PTPRN2: variants seen among roughly 807,000 people sequenced by gnomAD.
PTPRN2 encodes the protein protein tyrosine phosphatase receptor type N2, also known as receptor-type tyrosine-protein phosphatase N2.
PTPRN2 carries 74 observed loss-of-function variants against 118.8 expected under a neutral mutation model. That is an observed-to-expected ratio of 0.62 (90% confidence interval 0.52 to 0.76). The LOEUF (loss-of-function observed/expected upper bound fraction) is 0.76. Ranked by LOEUF, PTPRN2 falls within the 30% of genes least tolerant of loss-of-function variation. The pLI, the probability that PTPRN2 is intolerant of heterozygous loss-of-function variation, is 0.00. For synonymous variants in PTPRN2, 641 were observed against 608.0 expected, an observed-to-expected ratio of 1.05 and a Z score of -0.80; for missense variants, 1,481 against 1,394.4, an observed-to-expected ratio of 1.06 and a Z score of -0.99.
Position 157,690,035 on chromosome 7 carries a change from C to G in PTPRN2, c.1789-7098G>C, listed in dbSNP as rs1286818310. 6.6e-6 allele frequency among the ~76,000 whole-genome samples: 1 copy of G among 152,218 alleles called. No individual in the cohort carries two copies. The highest frequency in any genetic ancestry group is 2.4e-5 in the African/African-American group (1 of 41,462). ...CCTCCCATCTCCGTGCCTGCACCCC[C>G]CCACCCCCAGCACCCTGCAATGGTC... is the stretch of plus-strand genomic sequence containing the variant. On this transcript the variant is annotated intron_variant, in intron 12 of 22. Transcript: ENST00000389418. This position sits in a 1 kb window ranked among gnomAD's most constrained non-coding sequence, Gnocchi z 7.1.
chr7:157,695,741 C>G (rs1247642559), intron 12 of PTPRN2, among the ~76,000 whole-genome samples: 2 of 152,218 alleles, frequency 1.3e-5, no homozygotes, highest in Non-Finnish European at 2.9e-5. Flanking sequence ...GGAAGAGCAT[C>G]AGACACTAGT....
chr7:157,899,444 CA>C (rs1164633561), intron 11 of PTPRN2, among the ~76,000 whole-genome samples: 1 of 152,206 alleles, frequency 6.6e-6, no homozygotes, highest in Non-Finnish European at 1.5e-5. Flanking sequence ...ACGGGTGTCA[CA>C]AGGCAATTGA....
intron 2 of PTPRN2, among the ~76,000 whole-genome samples, chr7:158,381,768 T>G (rs185903853): frequency 2.0e-5 from 3 of 152,334 alleles, no homozygotes; most frequent in East Asian, 1.9e-4. Context: ...GAAAGTGATT[T>G]AATTGACTCA....
intron 11 of PTPRN2, among the ~76,000 whole-genome samples, chr7:157,899,452 T>C (rs1487865788): frequency 1.3e-5 from 2 of 152,194 alleles, no homozygotes; most frequent in African/African-American, 4.8e-5. Flanking sequence ...CACAAGGCAA[T>C]TGACCTTGGC....
At chr7:158,050,902 C>T (rs908772360) in intron 11 of PTPRN2, among the ~76,000 whole-genome samples, 5 of 152,242 alleles carry the variant, frequency 3.3e-5, no homozygotes, top group African/African-American at 1.2e-4. Context: ...GATGCTTGCC[C>T]CTCCCGCTGG....
At chr7:158,077,504 G>GC (rs112968821) in intron 11 of PTPRN2, among the ~76,000 whole-genome samples, 10,968 of 146,618 alleles carry the variant, frequency 0.075, 1,338 homozygotes, top group African/African-American at 0.27. Context: ...CAGGACAGGA[G>GC]CCCCCCATGA....
chr7:157,761,794 G>A (rs374543088), intron 12 of PTPRN2, among the ~76,000 whole-genome samples: 4,591 of 136,482 alleles, frequency 0.034, 132 homozygotes, highest in African/African-American at 0.053. Flanking sequence ...AAAAGAAACC[G>A]CCATCAGAGT....
At chr7:158,380,133 T>C (rs1022083851) in intron 2 of PTPRN2, among the ~76,000 whole-genome samples, 1 of 152,178 alleles carries the variant, frequency 6.6e-6, no homozygotes, top group Non-Finnish European at 1.5e-5. Flanking sequence ...CATATCATTA[T>C]GCCCCTGGCC....
At chr7:158,522,058 C>T (rs368761338) in intron 1 of PTPRN2, among the ~76,000 whole-genome samples, 82 of 53,028 alleles carry the variant, frequency 1.5e-3, no homozygotes, top group Admixed American at 3.0e-3. Context: ...GGGAGGTCCA[C>T]GTCACAATGG....
Position 157,560,501 on chromosome 7 carries a change from AG to A in PTPRN2, c.2902+8400del, listed in dbSNP as rs1258275739. On this transcript the variant is annotated intron_variant, in intron 21 of 22. Transcript: ENST00000389418. This position sits in a 1 kb window ranked among gnomAD's most constrained non-coding sequence, Gnocchi z 6.7. The stretch of plus-strand genomic sequence containing the variant: ...ACTGCTCCAACCAGCGTTCGTCGTC[AG>A]CCCCTTACACGGGACAGGGCACTGC... Among the ~76,000 whole-genome samples the A allele has an allele frequency of 6.6e-6, 1 of 152,156 alleles. No individual in the cohort carries two copies. Among genetic ancestry groups the A allele is most frequent in the Non-Finnish European group, 1.5e-5 (1 of 68,010 alleles).
chr7:157,937,789 G>C (rs1475762050), intron 11 of PTPRN2, among the ~76,000 whole-genome samples: 1 of 152,232 alleles, frequency 6.6e-6, no homozygotes, highest in Non-Finnish European at 1.5e-5. Context: ...CACAGAGTCT[G>C]TCTGAACAGT....
chr7:158,433,335 G>A (rs1371562314), intron 2 of PTPRN2, among the ~76,000 whole-genome samples: 1 of 152,194 alleles, frequency 6.6e-6, no homozygotes, highest in African/African-American at 2.4e-5. Flanking sequence ...GACCATAAAA[G>A]ACAGATATAT....
chr7:157,765,983 C>CCCAT (rs1195278167), intron 12 of PTPRN2, among the ~76,000 whole-genome samples: 1 of 149,096 alleles, frequency 6.7e-6, no homozygotes. Flanking sequence ...CACCCACACA[C>CCCAT]CCATCCATCC....
chr7:157,842,377 C>T (rs1001099873), intron 12 of PTPRN2, among the ~76,000 whole-genome samples: 2 of 146,014 alleles, frequency 1.4e-5, no homozygotes, highest in Non-Finnish European at 3.0e-5. Flanking sequence ...ACAAAAGGGG[C>T]TCAAATGCCG....
chr7:157,824,313 C>T (rs1807034786), intron 12 of PTPRN2, among the ~76,000 whole-genome samples: 2 of 152,226 alleles, frequency 1.3e-5, no homozygotes, highest in East Asian at 1.9e-4. Context: ...GTTGTGCCGA[C>T]CGCTGCCAGA....
At chr7:158,559,687 C>T (rs1827255642) in intron 1 of PTPRN2, among the ~76,000 whole-genome samples, 1 of 152,192 alleles carries the variant, frequency 6.6e-6, no homozygotes, top group Non-Finnish European at 1.5e-5. Flanking sequence ...CCTGCCACTC[C>T]CTCTCACAGA....
intron 1 of PTPRN2, among the ~76,000 whole-genome samples, chr7:158,493,733 G>A (rs867717431): frequency 2.9e-4 from 22 of 76,258 alleles, no homozygotes; most frequent in Admixed American, 1.3e-4. Flanking sequence ...ACACGTACAC[G>A]TATGCACACA....
intron 12 of PTPRN2, among the ~76,000 whole-genome samples, chr7:157,867,895 G>A (rs923537932): frequency 2.0e-5 from 3 of 152,164 alleles, no homozygotes; most frequent in African/African-American, 7.2e-5. Flanking sequence ...AGGCGTGGTG[G>A]AGGTGTGCCC....
chr7:158,120,860 C>T (rs1002276024), intron 9 of PTPRN2, among the ~76,000 whole-genome samples: 3 of 152,152 alleles, frequency 2.0e-5, no homozygotes, highest in African/African-American at 7.2e-5. Flanking sequence ...CCAGGCGGGG[C>T]TACAAAGACA....
Sources: gnomAD v4.1 joint callset for allele counts (sites outside exome capture counted in the v4.1 genomes callset) on GRCh38, gnomAD v4.1.1 for gene constraint, Gnocchi (gnomAD v3.1) non-coding constraint, MANE v1.5 for transcripts, NCBI Gene and HGNC (gene_info 2026-07-23, HGNC 2026-07-21) for gene names.